Variants in WDFY1 observed in about 807,000 individuals in gnomAD.
WDFY1 encodes the protein WD repeat and FYVE domain containing 1.
In WDFY1, 32 loss-of-function variants were observed where a neutral mutation model predicts 56.4. The ratio of observed to expected loss-of-function variants is 0.57; its 90% confidence interval spans 0.43 to 0.76. The LOEUF (loss-of-function observed/expected upper bound fraction) is 0.76, where lower values mean the gene tolerates loss of function less well. Among genes scored for constraint, WDFY1 ranks in the 30% least tolerant of loss-of-function variants. The probability of loss-of-function intolerance (pLI) is 0.00; values close to 1 mark genes in which losing one functional copy is unlikely to be tolerated. For synonymous variants in WDFY1, 192 were observed against 197.3 expected (o/e 0.97, Z 0.23); for missense variants, 480 against 545.7 (o/e 0.88, Z 1.20).
rs1362764706 is a variant in WDFY1, at chr2:223,875,677, T to C, written c.*2994A>G. The C allele has an allele frequency of 6.6e-6, 1 of 152,258 alleles. No homozygotes were observed. Among genetic ancestry groups the C allele is most frequent in the Non-Finnish European group, 1.5e-5 (1 of 68,044 alleles). The allele number at this position is 152,258 out of a possible 1,614,324, so 9.4% of individuals were successfully genotyped here. A position where few individuals can be genotyped will look rare whatever the true frequency, so the allele number is the denominator to read the frequency against. On this transcript the variant is annotated 3_prime_UTR_variant, in exon 12 of 12. Coordinates refer to ENST00000233055, the MANE Select transcript of WDFY1 (RefSeq NM_020830.5). ...AGGCATTCAATAAATCTGCTCACAA[T>C]TAACAATTAAGCAATAGACACTTGA...
chr2:223,903,533 AC>A (rs763309521), intron 4 of WDFY1, among the ~76,000 whole-genome samples: 6 of 117,198 alleles, frequency 5.1e-5, no homozygotes, highest in African/African-American at 1.4e-4. Flanking sequence ...AAAAAACAAA[AC>A]AAAACAAAAA....
chr2:223,885,331 C>T (rs1693154951), intron 8 of WDFY1, among the ~76,000 whole-genome samples: 1 of 152,062 alleles, frequency 6.6e-6, no homozygotes, highest in African/African-American at 2.4e-5. Flanking sequence ...GCTGGGACCA[C>T]AGGTGAGTGT....
chr2:223,900,446 C>A (rs1295236041), intron 5 of WDFY1, among the ~76,000 whole-genome samples: 4 of 152,094 alleles, frequency 2.6e-5, no homozygotes, highest in Non-Finnish European at 4.4e-5. Context: ...GGGGTGTCTG[C>A]CTGTTGTTGA....
chr2:223,918,825 A>T (rs1437549318), intron 1 of WDFY1, among the ~76,000 whole-genome samples: 1 of 152,146 alleles, frequency 6.6e-6, no homozygotes, highest in Non-Finnish European at 1.5e-5. Context: ...CACGCACACC[A>T]GGAGCACACA....
chr2:223,892,976 T>C (rs1693303926), intron 8 of WDFY1, among the ~76,000 whole-genome samples: 1 of 152,228 alleles, frequency 6.6e-6, no homozygotes, highest in South Asian at 2.1e-4. Flanking sequence ...TTCTCTGGAA[T>C]CAACTTTTTT....
In WDFY1 at chr2:223,905,452, C is replaced by T. The variant is rs148773313; in HGVS notation, c.334+495G>A. 2.6e-3 allele frequency among the ~76,000 whole-genome samples: 392 copies of T among 152,074 alleles called. 3 individuals carry two copies. The highest frequency in any genetic ancestry group is 9.1e-3 in the African/African-American group (377 of 41,464). On this transcript the variant is annotated intron_variant, in intron 4 of 11. Transcript: ENST00000233055. ...GGAGGGTCACTTAAGGTCAGGAGTT[C>T]GAGACCAGCTTGGGCTACATACTGA...
intron 3 of WDFY1, among the ~76,000 whole-genome samples, chr2:223,907,254 G>A (rs1693612715): frequency 1.3e-5 from 2 of 152,148 alleles, no homozygotes; most frequent in Non-Finnish European, 2.9e-5. Flanking sequence ...TGGGATTACA[G>A]GCATGAGCCA....
In WDFY1 at chr2:223,943,660, T is replaced by A. The variant is rs73091203; in HGVS notation, c.137+1488A>T. Reference sequence around the variant, plus strand: ...CACAGTTTCATTCAATAAACATCAGTCATTTCCTTCAAATTCCCACCGGAA... The same window carrying A: ...CACAGTTTCATTCAATAAACATCAGACATTTCCTTCAAATTCCCACCGGAA... On this transcript the variant is annotated intron_variant, in intron 1 of 11. Transcript: ENST00000233055. 2.7e-3 allele frequency among the ~76,000 whole-genome samples: 412 copies of A among 152,338 alleles called. 1 individual carries two copies. Among genetic ancestry groups the A allele is most frequent in the African/African-American group, 9.6e-3 (399 of 41,572 alleles).
At position 223,905,021 on chromosome 2, in the gene WDFY1, G is replaced by A. The variant is rs909869174; in HGVS notation, c.334+926C>T. The stretch of plus-strand genomic sequence containing the variant: ...AGTTAGAAAACACTCCAGCTCCCTG[G>A]GAATATGCGTAAAATCATAAACGGA... On this transcript the variant is annotated intron_variant, in intron 4 of 11. Transcript: ENST00000233055. 2.0e-5 allele frequency among the ~76,000 whole-genome samples: 3 copies of A among 152,224 alleles called. No individual in the cohort carries two copies. In the East Asian group the frequency reaches 5.8e-4, roughly 29 times the overall value.
intron 3 of WDFY1, 49 bp downstream of exon 3, chr2:223,912,204 A>G (rs758955163): frequency 6.5e-7 from 1 of 1,541,482 alleles, no homozygotes; most frequent in South Asian, 1.2e-5. Context: ...GGTCAATATA[A>G]AGAATATAAT....
intron 1 of WDFY1, among the ~76,000 whole-genome samples, chr2:223,941,899 T>C (rs1180452240): frequency 6.6e-6 from 1 of 152,156 alleles, no homozygotes; most frequent in Non-Finnish European, 1.5e-5. Flanking sequence ...TGTGCTTTCA[T>C]TACATCTCAT....
chr2:223,943,073 C>G (rs1340314773), intron 1 of WDFY1, among the ~76,000 whole-genome samples: 1 of 151,082 alleles, frequency 6.6e-6, no homozygotes, highest in Non-Finnish European at 1.5e-5. Context: ...CCCAGCTACT[C>G]AGGAGGTTGA....
chr2:223,898,220 A>G (rs1282211795), intron 6 of WDFY1, among the ~76,000 whole-genome samples: 1 of 152,226 alleles, frequency 6.6e-6, no homozygotes, highest in East Asian at 1.9e-4. Flanking sequence ...TACACAGGGT[A>G]TGTTTCCCAA....
At chr2:223,881,526 G>C (rs1337029474) in intron 10 of WDFY1, among the ~76,000 whole-genome samples, 2 of 152,090 alleles carry the variant, frequency 1.3e-5, no homozygotes, top group Non-Finnish European at 2.9e-5. Context: ...ACGGTGGCTC[G>C]CGCCTGTAAT....
At chr2:223,894,464 G>C (rs1574762185) in intron 7 of WDFY1, 125 bp from the exon 8 acceptor site, 1 of 857,764 alleles carries the variant, frequency 1.2e-6, no homozygotes, top group East Asian at 2.7e-5. Context: ...TGACTATTTA[G>C]CATGGTAAAA....
At chr2:223,921,990 G>A (rs1288102884) in intron 1 of WDFY1, among the ~76,000 whole-genome samples, 3 of 152,026 alleles carry the variant, frequency 2.0e-5, no homozygotes, top group South Asian at 2.1e-4. Context: ...CCAAGGAGCC[G>A]CCTGGATCAC....
At chr2:223,895,674 A>T (rs1311159556) in intron 6 of WDFY1, 44 bp from the exon 7 acceptor site, 34 of 1,607,006 alleles carry the variant, frequency 2.1e-5, no homozygotes, top group Non-Finnish European at 2.8e-5. Flanking sequence ...GCAGGGGAGA[A>T]GTAAAATATA....
chr2:223,940,679 G>A (rs1689286683), intron 1 of WDFY1, among the ~76,000 whole-genome samples: 1 of 136,572 alleles, frequency 7.3e-6, no homozygotes, highest in African/African-American at 2.7e-5. Flanking sequence ...TTTTGTTCTT[G>A]TTGCCCAGGC....
intron 1 of WDFY1, among the ~76,000 whole-genome samples, chr2:223,925,237 A>G (rs1273924954): frequency 2.6e-5 from 4 of 151,564 alleles, no homozygotes; most frequent in Non-Finnish European, 5.9e-5. Context: ...AAAAAAGCAT[A>G]ACACAGAGAT....
Sources: allele counts gnomAD v4.1 joint callset (sites outside exome capture counted in the v4.1 genomes callset), GRCh38; gene constraint gnomAD v4.1.1; transcripts MANE v1.5; gene names NCBI Gene and HGNC (gene_info 2026-07-23, HGNC 2026-07-21).